The following CDH4 variants were observed in gnomAD, a reference collection of about 807,000 sequenced individuals.
CDH4 encodes the protein cadherin-4.
In CDH4, 33 loss-of-function variants were observed where a neutral mutation model predicts 86.0. The ratio of observed to expected loss-of-function variants is 0.38; its 90% CI spans 0.29 to 0.51. CDH4 has a LOEUF of 0.51. CDH4 is among the 20% of genes least tolerant of loss of function. The probability of loss-of-function intolerance (pLI) is 0.86; values close to 1 mark genes in which losing one functional copy is unlikely to be tolerated. For synonymous variants in CDH4, 555 were observed against 549.4 expected (o/e 1.01, Z -0.14); for missense variants, 1,114 against 1,307.4 (o/e 0.85, Z 2.28).
Position 61,844,757 on chromosome 20 carries a change from T to C in CDH4, c.666T>C (p.Ile222=). Residue 222 remains isoleucine (I), a synonymous_variant, in exon 5 of 16, where the codon ATT becomes ATC. Coordinates refer to ENST00000614565, the MANE Select transcript of CDH4 (RefSeq NM_001794.5). The part of the protein sequence containing the change: ...ADQPPMEVFS[I]DSMSGRMYVT... ...AGCCCCCCATGGAGGTCTTCAGCAT[T>C]GACTCCATGTCCGGCCGGATGTACG... 1 of 1,614,024 alleles carries C rather than the reference T, an allele frequency of 6.2e-7. No individual in the cohort carries two copies. Among genetic ancestry groups the C allele is most frequent in the Non-Finnish European group, 8.5e-7 (1 of 1,179,928 alleles).
intron 2 of CDH4, among the ~76,000 whole-genome samples, chr20:61,290,681 AAG>A (rs1300604297): frequency 6.6e-6 from 1 of 152,196 alleles, no homozygotes; most frequent in Non-Finnish European, 1.5e-5. Context: ...GCACAGGTGT[AAG>A]ATGAAGACAG....
intron 2 of CDH4, among the ~76,000 whole-genome samples, chr20:61,595,652 C>T (rs555449014): frequency 6.6e-6 from 1 of 152,306 alleles, no homozygotes; most frequent in East Asian, 1.9e-4. Context: ...AGAACGTTAG[C>T]CATGGTTCCG....
At chr20:61,782,139 T>G (rs1978579453) in intron 4 of CDH4, among the ~76,000 whole-genome samples, 2 of 152,090 alleles carry the variant, frequency 1.3e-5, no homozygotes. Flanking sequence ...AAACCCCATC[T>G]CTACTAAAAA....
At chr20:61,453,878 G>A (rs1166987941) in intron 2 of CDH4, among the ~76,000 whole-genome samples, 2 of 152,152 alleles carry the variant, frequency 1.3e-5, no homozygotes, top group Non-Finnish European at 2.9e-5. Context: ...CTGATAGTGA[G>A]CGAGTTCTCA....
At chr20:61,605,142 G>A (rs112476137) in intron 2 of CDH4, among the ~76,000 whole-genome samples, 12 of 152,290 alleles carry the variant, frequency 7.9e-5, no homozygotes, top group African/African-American at 2.9e-4. Context: ...GTGAGTTACT[G>A]TGATTGGAAG....
In CDH4 at chr20:61,836,164, G is replaced by A. The variant is rs559700590; in HGVS notation, c.577-8504G>A. ...GCTCCTGGGCCTGCCCATCGGCTAC[G>A]GGGAGGGTGAGGCACGTCGGTTGTA... On this transcript the variant is annotated intron_variant, in intron 4 of 15. Coordinates refer to ENST00000614565, the MANE Select transcript of CDH4 (RefSeq NM_001794.5). Among the ~76,000 whole-genome samples, 42 of 152,344 alleles carry A rather than the reference G, an allele frequency of 2.8e-4. No individual in the cohort carries two copies. The South Asian group carries it at 2.9e-3, about 11-fold the overall frequency.
intron 2 of CDH4, among the ~76,000 whole-genome samples, chr20:61,505,854 T>C: frequency 6.9e-6 from 1 of 144,808 alleles, no homozygotes; most frequent in East Asian, 1.9e-4. Context: ...CCCCACAGTA[T>C]ATGAAGGTCC....
intron 9 of CDH4, among the ~76,000 whole-genome samples, chr20:61,921,832 T>C (rs2054986777): frequency 6.6e-6 from 1 of 152,130 alleles, no homozygotes; most frequent in African/African-American, 2.4e-5. Flanking sequence ...GCTGTGACCC[T>C]GACCCCATTC....
rs1221384863 is a variant in CDH4, at chr20:61,510,400, T to C, written c.170-233163T>C. Reference sequence around the variant, plus strand: ...ATGGGAGTTTGTGTGGAAGCTGGAGTTGGCCAGCCCCTGCCTTAGCCTCTG... The same window carrying C: ...ATGGGAGTTTGTGTGGAAGCTGGAGCTGGCCAGCCCCTGCCTTAGCCTCTG... On this transcript the variant is annotated intron_variant, in intron 2 of 15. Transcript: ENST00000614565. This position sits in a 1 kb window ranked among gnomAD's most constrained non-coding sequence, Gnocchi z 4.2. Among the ~76,000 whole-genome samples, 1 of 152,080 alleles carries C rather than the reference T, an allele frequency of 6.6e-6. No homozygotes were observed. Among genetic ancestry groups the C allele is most frequent in the Non-Finnish European group, 1.5e-5 (1 of 68,000 alleles).
chr20:61,478,097 A>T (rs2085549341), intron 2 of CDH4, among the ~76,000 whole-genome samples: 1 of 152,182 alleles, frequency 6.6e-6, no homozygotes. Flanking sequence ...TCAGAGTCCA[A>T]AAATATGCCT....
At chr20:61,368,821 T>C (rs1600907575) in intron 2 of CDH4, among the ~76,000 whole-genome samples, 1 of 152,110 alleles carries the variant, frequency 6.6e-6, no homozygotes, top group South Asian at 2.1e-4. Flanking sequence ...CCGGCTAGGA[T>C]GGTATTTTGT....
chr20:61,773,789 A>G (rs926711546), intron 4 of CDH4, among the ~76,000 whole-genome samples: 3 of 152,240 alleles, frequency 2.0e-5, no homozygotes, highest in African/African-American at 7.2e-5. Context: ...TCCATTAAAT[A>G]ATTCCCAACC....
chr20:61,768,401 CT>C (rs1418307150), intron 3 of CDH4, among the ~76,000 whole-genome samples: 12 of 152,056 alleles, frequency 7.9e-5, no homozygotes, highest in Non-Finnish European at 1.5e-5. Context: ...TGCATAGCGC[CT>C]GTATACACAT....
intron 15 of CDH4, among the ~76,000 whole-genome samples, chr20:61,935,734 A>G (rs1568899888): frequency 6.6e-6 from 1 of 152,234 alleles, no homozygotes; most frequent in Non-Finnish European, 1.5e-5. Context: ...TAAAAATACA[A>G]AAATTAGCTG....
intron 6 of CDH4, among the ~76,000 whole-genome samples, chr20:61,863,229 G>A (rs6061872): frequency 0.069 from 10,444 of 152,298 alleles, 1,146 homozygotes; most frequent in African/African-American, 0.23. Context: ...AGCACGATCC[G>A]TAAGGAGGTG....
At chr20:61,523,405 G>A (rs541489363) in intron 2 of CDH4, among the ~76,000 whole-genome samples, 3 of 152,344 alleles carry the variant, frequency 2.0e-5, no homozygotes, top group African/African-American at 4.8e-5. Flanking sequence ...CTCCTCGCAC[G>A]CACAGACACA....
At chr20:61,812,666 T>C (rs977731085) in intron 4 of CDH4, among the ~76,000 whole-genome samples, 5 of 152,248 alleles carry the variant, frequency 3.3e-5, no homozygotes, top group African/African-American at 9.6e-5. Context: ...ACTGCAGTTA[T>C]GTAGAAGATT....
At chr20:61,734,039 A>T (rs2088230033) in intron 2 of CDH4, among the ~76,000 whole-genome samples, 1 of 152,174 alleles carries the variant, frequency 6.6e-6, no homozygotes, top group Non-Finnish European at 1.5e-5. Context: ...CCTTTCACAG[A>T]GAAGCAATTA....
chr20:61,799,635 T>G (rs1979726843), intron 4 of CDH4, among the ~76,000 whole-genome samples: 2 of 152,142 alleles, frequency 1.3e-5, no homozygotes, highest in Non-Finnish European at 2.9e-5. Context: ...GCCTGGGCAC[T>G]GGGGATAGGA....
Sources: gnomAD v4.1 joint callset for allele counts (sites outside exome capture counted in the v4.1 genomes callset) on GRCh38, gnomAD v4.1.1 for gene constraint, Gnocchi (gnomAD v3.1) non-coding constraint, MANE v1.5 for transcripts, NCBI Gene and HGNC (gene_info 2026-07-23, HGNC 2026-07-21) for gene names.